ADGRE2: variants seen among roughly 807,000 people sequenced by gnomAD.
ADGRE2 encodes adhesion G protein-coupled receptor E2.
In ADGRE2, 83 loss-of-function variants were observed where a neutral mutation model predicts 100.8. The ratio of observed to expected loss-of-function variants is 0.82; its 90% CI spans 0.69 to 0.99. The LOEUF is 0.99. Among genes scored for constraint, ADGRE2 ranks in the 50% least tolerant of loss-of-function variants. The pLI, the probability that ADGRE2 is intolerant of heterozygous loss-of-function variation, is 0.00. For missense variants in ADGRE2, 814 were observed against 1,035.7 expected, an observed-to-expected ratio of 0.79 and a Z score of 2.94; for synonymous variants, 355 against 413.0, an observed-to-expected ratio of 0.86 and a Z score of 1.70.
rs193248398 is a variant in ADGRE2, at chr19:14,772,131, G to T, written c.355+211C>A. On this transcript the variant is annotated intron_variant, in intron 5 of 20. Transcript: ENST00000315576. The stretch of plus-strand genomic sequence containing the variant: ...AACAGGTGGCAAAGCCAGGATTTGG[G>T]CCCAGGTAGCTGGTCCCAGAGTTTT... 2.6e-3 allele frequency: 1,634 copies of T among 621,488 alleles called. 7 individuals are homozygous for T. Among genetic ancestry groups the T allele is most frequent in the Non-Finnish European group, 3.8e-3 (1,362 of 359,396 alleles). The allele number at this position is 621,488 out of a possible 1,614,324, so 38.5% of individuals were successfully genotyped here.
intron 6 of ADGRE2, 100 bp downstream of exon 6, chr19:14,766,878 C>G (rs2044001564): frequency 7.3e-7 from 1 of 1,372,102 alleles, no homozygotes; most frequent in African/African-American, 1.5e-5. Flanking sequence ...TTGTGGGAAC[C>G]TGCGGATCTT....
chr19:14,730,423 C>A (rs7252820), downstream of ADGRE2, among the ~76,000 whole-genome samples: 1 of 151,990 alleles, frequency 6.6e-6, no homozygotes, highest in East Asian at 1.9e-4. Context: ...CACCATCAGT[C>A]TGTCCTTCCT....
At chr19:14,760,949 C>G (rs1042195974) in intron 11 of ADGRE2, among the ~76,000 whole-genome samples, 1 of 152,174 alleles carries the variant, frequency 6.6e-6, no homozygotes, top group Non-Finnish European at 1.5e-5. Context: ...TGGATAATAA[C>G]TCCTTCAACC....
intron 17 of ADGRE2, 89 bp downstream of exon 17, chr19:14,746,807 A>G: frequency 7.8e-7 from 1 of 1,286,148 alleles, no homozygotes; most frequent in Admixed American, 2.0e-5. Flanking sequence ...AACCCAGGGG[A>G]CATTCCTGCT....
rs2044324860 is a variant in ADGRE2, at chr19:14,774,065, A to C, written c.83-11T>G. ...ACCACCGGGCACAGCCTGCAAGAGC[A>C]GGGAGCACGGTCAGAAGGTGAGGGG... On this transcript the variant is annotated splice_polypyrimidine_tract_variant and intron_variant, in intron 3 of 20. Transcript: ENST00000315576. The C allele has an allele frequency of 1.9e-6, 3 of 1,612,208 alleles. No individual in the cohort carries two copies. The highest frequency in any genetic ancestry group is 2.2e-5 in the South Asian group (2 of 91,028).
intron 5 of ADGRE2, 124 bp from the exon 6 acceptor site, chr19:14,767,233 T>G: frequency 2.7e-6 from 4 of 1,492,102 alleles, no homozygotes; most frequent in Non-Finnish European, 3.6e-6. Flanking sequence ...CCTTTTCTTT[T>G]CTTTCTTTCT....
intron 2 of ADGRE2, chr19:14,776,403 CTT>C (rs1229898504): frequency 6.7e-6 from 2 of 299,968 alleles, no homozygotes; most frequent in African/African-American, 4.6e-5. Context: ...CTAGCACTCA[CTT>C]TTTGCCCCTT....
Position 14,733,990 on chromosome 19 carries a change from G to C in ADGRE2, c.*2246C>G, listed in dbSNP as rs1351968100. ...ACAGGCACAGAGCAGTGAAAAATGT[G>C]AGTTGCACTGGGAAATGTTCCCAGC... is the stretch of plus-strand genomic sequence containing the variant. On this transcript the variant is annotated 3_prime_UTR_variant, in exon 21 of 21. Transcript: ENST00000315576. 1.3e-5 allele frequency: 2 copies of C among 152,214 alleles called. No homozygotes were observed. Among genetic ancestry groups the C allele is most frequent in the Non-Finnish European group, 2.9e-5 (2 of 68,060 alleles). 9.4% of individuals were successfully genotyped at this position (152,214 alleles called of 1,614,324 possible). A position where few individuals can be genotyped will look rare whatever the true frequency, so the allele number is the denominator to read the frequency against.
At position 14,756,299 on chromosome 19, in the gene ADGRE2, C is replaced by G; in HGVS notation, c.1131G>C (p.Leu377Phe). 6.2e-7 allele frequency: 1 copy of G among 1,614,136 alleles called. No individual in the cohort carries two copies. Among genetic ancestry groups the G allele is most frequent in the Non-Finnish European group, 8.5e-7 (1 of 1,180,030 alleles). ...GCTGCATCACTGCCTGATTCTGTCT[C>G]AAGGTGACACTCCTGTCTACTTGCT... ...VQKQVDRSVT[L>F]RQNQAVMQLD... is the part of the protein sequence containing the mutation. Residue 377 changes from leucine (L) to phenylalanine (F), a missense_variant, in exon 12 of 21, where the codon TTG (leucine) becomes TTC (phenylalanine). Leu to Phe is a conservative substitution (Grantham distance 22). Around this residue, in one of 5 missense-constraint regions of ADGRE2, gnomAD observed 569 missense variants for 692.7 expected, o/e 0.82. Transcript: ENST00000315576.
chr19:14,776,640 C>T, intron 2 of ADGRE2, 86 bp downstream of exon 2: 3 of 1,448,102 alleles, frequency 2.1e-6, no homozygotes, highest in South Asian at 1.2e-5. Context: ...CAGACACCAG[C>T]GGCGCCTCCC....
chr19:14,726,352 C>A, the ADGRE2 span, among the ~76,000 whole-genome samples: 1 of 152,128 alleles, frequency 6.6e-6, no homozygotes, highest in African/African-American at 2.4e-5. Context: ...CCTTCAAAGC[C>A]TTTTTCCTTT....
chr19:14,769,889 G>A lies in ADGRE2; in HGVS notation c.355+2453C>T, dbSNP rs150678842. Among the ~76,000 whole-genome samples the A allele has an allele frequency of 1.7e-3, 251 of 152,092 alleles. 1 individual carries two copies. The highest frequency in any genetic ancestry group is 5.2e-3 in the African/African-American group (214 of 41,484). Reference sequence around the variant, plus strand: ...ATTTTTTTGTATTTGTAGTAGAGACGGGGTTTCACCATGTTAGCCAGGATG... The same window carrying A: ...ATTTTTTTGTATTTGTAGTAGAGACAGGGTTTCACCATGTTAGCCAGGATG... On this transcript the variant is annotated intron_variant, in intron 5 of 20. Coordinates refer to ENST00000315576, the MANE Select transcript of ADGRE2 (RefSeq NM_013447.4).
Position 14,775,564 on chromosome 19 carries a change from A to G in ADGRE2, c.31+1162T>C, listed in dbSNP as rs1369453511. 2.0e-5 allele frequency among the ~76,000 whole-genome samples: 3 copies of G among 152,000 alleles called. No individual in the cohort carries two copies. In the East Asian group the frequency reaches 5.8e-4, roughly 30 times the overall value. On this transcript the variant is annotated intron_variant, in intron 2 of 20. Coordinates refer to ENST00000315576, the MANE Select transcript of ADGRE2 (RefSeq NM_013447.4). Reference sequence around the variant, plus strand: ...ACTGCCATCTTCATTTCTTTAGATAAAAATGAAGGCATGGTCAGGCACGGT... The same window carrying G: ...ACTGCCATCTTCATTTCTTTAGATAGAAATGAAGGCATGGTCAGGCACGGT...
chr19:14,756,492 A>G, intron 11 of ADGRE2, 147 bp from the exon 12 acceptor site: 1 of 629,204 alleles, frequency 1.6e-6, no homozygotes, highest in Non-Finnish European at 2.8e-6. Context: ...GCAACTGTAT[A>G]TCTACAAAGT....
Position 14,751,648 on chromosome 19 carries a change from A to G in ADGRE2, c.1812T>C (p.Gly604=), listed in dbSNP as rs1466510454. 1 of 1,613,930 alleles carries G rather than the reference A, an allele frequency of 6.2e-7. No homozygotes were observed. Among genetic ancestry groups the G allele is most frequent in the African/African-American group, 1.3e-5 (1 of 74,906 alleles). The change falls in exon 16 of 21, where the codon GGT becomes GGC. Residue 604 remains glycine (G), a synonymous_variant. Transcript: ENST00000315576. ...TGGCCAGGTAGAGATAGTGCAAGGTACCGGCGATGATGGAGCACAGCACCT... is the reference window on the plus strand; with the variant it reads ...TGGCCAGGTAGAGATAGTGCAAGGTGCCGGCGATGATGGAGCACAGCACCT... ...GHKVLCSIIA[G]TLHYLYLATL... is the part of the protein sequence containing the mutation.
chr19:14,745,480 G>A (rs544977745), intron 18 of ADGRE2, among the ~76,000 whole-genome samples: 40 of 152,166 alleles, frequency 2.6e-4, no homozygotes, highest in Non-Finnish European at 5.0e-4. Flanking sequence ...ACCCTACTCT[G>A]CCATCCAATA....
rs73517995 is a variant in ADGRE2 at position 14,754,913 on chromosome 19, C to T, written c.1590+41G>A. The T allele has an allele frequency of 5.0e-3, 8,011 of 1,590,296 alleles. 355 individuals are homozygous for T. In the African/African-American group the frequency reaches 0.095, roughly 19 times the overall value. ...GCTACGTCTCTGGGGATTTGTTACA[C>T]GGCAATAAATGCAGAGTGCATCCCC... is the stretch of plus-strand genomic sequence containing the variant. On this transcript the variant is annotated intron_variant, in intron 14 of 20. Coordinates refer to ENST00000315576, the MANE Select transcript of ADGRE2 (RefSeq NM_013447.4).
At chr19:14,739,753 A>G (rs1323821487) in intron 20 of ADGRE2, among the ~76,000 whole-genome samples, 1 of 152,178 alleles carries the variant, frequency 6.6e-6, no homozygotes, top group East Asian at 1.9e-4. Context: ...TGTCTTGGTG[A>G]ACCCAATGTA....
At chr19:14,740,771 C>G (rs947880448) in intron 20 of ADGRE2, among the ~76,000 whole-genome samples, 6 of 152,156 alleles carry the variant, frequency 3.9e-5, no homozygotes, top group Non-Finnish European at 7.3e-5. Flanking sequence ...GGGTCTTGCT[C>G]TGTCACCCAG....
Sources: gnomAD v4.1 joint callset for allele counts (sites outside exome capture counted in the v4.1 genomes callset) on GRCh38, gnomAD v4.1.1 for gene constraint, gnomAD v4.1.1 regional missense constraint, MANE v1.5 for transcripts, NCBI Gene and HGNC (gene_info 2026-07-23, HGNC 2026-07-21) for gene names.